The following FAM78B variants were observed in gnomAD, a reference collection of about 807,000 sequenced individuals.
FAM78B encodes family with sequence similarity 78 member B.
A neutral mutation model predicts 20.0 loss-of-function variants in FAM78B; 10 were observed. That is an observed-to-expected ratio of 0.50 (90% confidence interval 0.31 to 0.85). FAM78B has a LOEUF of 0.85. Among genes scored for constraint, FAM78B ranks in the 40% least tolerant of loss-of-function variants. The pLI is 0.05. For synonymous variants in FAM78B, 135 were observed against 132.8 expected (o/e 1.02, Z -0.12); for missense variants, 283 against 345.0 (o/e 0.82, Z 1.42).
intron 1 of FAM78B, among the ~76,000 whole-genome samples, chr1:166,091,312 T>A (rs6700248): frequency 1 from 152,244 of 152,248 alleles, 76,120 homozygotes; most frequent in Non-Finnish European, 1. Context: ...CTCATCTTGA[T>A]TTCCTACATA....
At chr1:166,111,440 C>T (rs1026828698) in intron 1 of FAM78B, among the ~76,000 whole-genome samples, 1 of 152,208 alleles carries the variant, frequency 6.6e-6, no homozygotes, top group African/African-American at 2.4e-5. Flanking sequence ...CAGATAAGTA[C>T]AGGGCTACCT....
intron 1 of FAM78B, among the ~76,000 whole-genome samples, chr1:166,083,784 G>A (rs1028061126): frequency 2.0e-5 from 3 of 147,412 alleles, no homozygotes; most frequent in Non-Finnish European, 4.4e-5. Context: ...TTACAGGCGT[G>A]AGCCACGCAC....
chr1:166,087,812 G>T (rs1211928088), intron 1 of FAM78B, among the ~76,000 whole-genome samples: 1 of 152,162 alleles, frequency 6.6e-6, no homozygotes, highest in Non-Finnish European at 1.5e-5. Context: ...AGGCATCTAA[G>T]ACAGTATGTG....
intron 1 of FAM78B, among the ~76,000 whole-genome samples, chr1:166,158,936 A>C (rs1025019735): frequency 3.9e-5 from 6 of 152,252 alleles, no homozygotes; most frequent in African/African-American, 1.4e-4. Flanking sequence ...TAACCAACTT[A>C]TAAATGACAG....
rs1367495265 is a variant in FAM78B at position 166,146,010 on chromosome 1, T to C, written c.263+19976A>G. Among the ~76,000 whole-genome samples the C allele has an allele frequency of 2.6e-5, 4 of 152,188 alleles. No homozygotes were observed. In the East Asian group the frequency reaches 7.7e-4, roughly 29 times the overall value. ...GTTCTTTTCATTTGCGAAGGAGAGA[T>C]GATAGCTTCTCTGCTTCCTCTCACA... On this transcript the variant is annotated intron_variant, in intron 1 of 1. Transcript: ENST00000354422.
Position 166,070,671 on chromosome 1 carries a change from G to A in FAM78B, c.356C>T (p.Thr119Ile), listed in dbSNP as rs752050976. The A allele has an allele frequency of 1.2e-6, 2 of 1,613,738 alleles. No homozygotes were observed. Among genetic ancestry groups the A allele is most frequent in the East Asian group, 2.2e-5 (1 of 44,880 alleles). ...GVSYPWYGNT[T>I]ETVTLVGPTN... ...GGGGCCAACCAGGGTCACAGTTTCTGTGGTGTTCCCGTACCAAGGGTAGCT... is the reference window on the plus strand; with the variant it reads ...GGGGCCAACCAGGGTCACAGTTTCTATGGTGTTCCCGTACCAAGGGTAGCT... The change falls in exon 2 of 2, where the codon ACA (threonine) becomes ATA (isoleucine). Residue 119 changes from threonine (T) to isoleucine (I), a missense_variant. Physicochemically the swap from Thr to Ile is moderately conservative, Grantham distance 89 (BLOSUM62 -1). Coordinates refer to ENST00000354422, the MANE Select transcript of FAM78B (RefSeq NM_001017961.5).
At position 166,166,461 on chromosome 1, in the gene FAM78B, G is replaced by A; in HGVS notation, c.-213C>T. 4.7e-6 allele frequency: 1 copy of A among 211,590 alleles called. No homozygotes were observed. The highest frequency in any genetic ancestry group is 8.3e-6 in the Non-Finnish European group (1 of 120,604). The allele number at this position is 211,590 out of a possible 1,614,324, so 13.1% of individuals were successfully genotyped here. A position where few individuals can be genotyped will look rare whatever the true frequency, so the allele number is the denominator to read the frequency against. ...CCCCGCTGCCCCGACGTCCGCCCAC[G>A]CCCGCCCCCTCGCTCCGGCAGGGCG... On this transcript the variant is annotated 5_prime_UTR_variant, in exon 1 of 2. Coordinates refer to ENST00000354422, the MANE Select transcript of FAM78B (RefSeq NM_001017961.5).
At chr1:166,127,724 G>C (rs1654695301) in intron 1 of FAM78B, among the ~76,000 whole-genome samples, 1 of 152,196 alleles carries the variant, frequency 6.6e-6, no homozygotes, top group South Asian at 2.1e-4. Context: ...GTTCAAAAAT[G>C]TGTCTGACTG....
At chr1:166,088,779 C>G (rs76900156) in intron 1 of FAM78B, among the ~76,000 whole-genome samples, 4,205 of 152,166 alleles carry the variant, frequency 0.028, 261 homozygotes, top group Admixed American at 0.14. Flanking sequence ...GCAGAGGGGG[C>G]AGACACTGGG....
At chr1:166,136,087 A>C (rs1655052764) in intron 1 of FAM78B, among the ~76,000 whole-genome samples, 1 of 152,174 alleles carries the variant, frequency 6.6e-6, no homozygotes. Flanking sequence ...CTTGTCACTC[A>C]TGAGTATTCT....
intron 1 of FAM78B, among the ~76,000 whole-genome samples, chr1:166,153,290 G>T (rs1052852100): frequency 1.3e-5 from 2 of 152,190 alleles, no homozygotes; most frequent in Non-Finnish European, 2.9e-5. Flanking sequence ...AATGAGAAGT[G>T]GGGGGATCCA....
chr1:166,129,682 C>T (rs372324431), intron 1 of FAM78B, among the ~76,000 whole-genome samples: 1 of 152,160 alleles, frequency 6.6e-6, no homozygotes, highest in Non-Finnish European at 1.5e-5. Flanking sequence ...TTGTAGTCCT[C>T]TCGTCCTCTT....
At chr1:166,073,126 T>A (rs1203583018) in intron 1 of FAM78B, among the ~76,000 whole-genome samples, 1 of 152,196 alleles carries the variant, frequency 6.6e-6, no homozygotes, top group Non-Finnish European at 1.5e-5. Context: ...GAAAATACCC[T>A]TTTCTTGGAG....
chr1:166,151,218 C>A (rs2101798042), intron 1 of FAM78B, among the ~76,000 whole-genome samples: 1 of 152,362 alleles, frequency 6.6e-6, no homozygotes, highest in Non-Finnish European at 1.5e-5. Flanking sequence ...TGAAGACAAT[C>A]TGACTGTCTC....
chr1:166,159,287 T>C (rs1434441901), intron 1 of FAM78B, among the ~76,000 whole-genome samples: 1 of 152,040 alleles, frequency 6.6e-6, no homozygotes, highest in Non-Finnish European at 1.5e-5. Context: ...TGGCTTGCAG[T>C]CTCAGCTCGG....
At chr1:166,101,836 T>C (rs1653533405) in intron 1 of FAM78B, among the ~76,000 whole-genome samples, 1 of 151,782 alleles carries the variant, frequency 6.6e-6, no homozygotes, top group Non-Finnish European at 1.5e-5. Context: ...AGGCCAACAT[T>C]CAAATTCAGG....
intron 1 of FAM78B, among the ~76,000 whole-genome samples, chr1:166,109,870 A>ATATATGTATGTG (rs1653959742): frequency 8.7e-5 from 1 of 11,478 alleles, no homozygotes; most frequent in Non-Finnish European, 2.0e-4. Context: ...ATGTATGTGT[A>ATATATGTATGTG]TATATATATA....
chr1:166,133,281 C>T (rs555895476), intron 1 of FAM78B, among the ~76,000 whole-genome samples: 1 of 152,262 alleles, frequency 6.6e-6, no homozygotes, highest in Admixed American at 6.5e-5. Context: ...CTCACAAGGT[C>T]CACTCTGGTC....
At chr1:166,117,151 G>A (rs553234813) in intron 1 of FAM78B, among the ~76,000 whole-genome samples, 1 of 152,190 alleles carries the variant, frequency 6.6e-6, no homozygotes, top group South Asian at 2.1e-4. Flanking sequence ...TCTTTCTGCT[G>A]TTTTCCCCCT....
Sources: gnomAD v4.1 joint callset for allele counts (sites outside exome capture counted in the v4.1 genomes callset) on GRCh38, gnomAD v4.1.1 for gene constraint, MANE v1.5 for transcripts, NCBI Gene and HGNC (gene_info 2026-07-23, HGNC 2026-07-21) for gene names.